Variants in MUC4 observed in about 807,000 individuals in gnomAD.
MUC4 encodes mucin-4.
Under a neutral mutation model 257.9 loss-of-function variants are expected in MUC4, and 202 were observed. That is an observed-to-expected ratio of 0.78 (90% confidence interval 0.70 to 0.88). The LOEUF (loss-of-function observed/expected upper bound fraction) is 0.88. Among genes scored for constraint, MUC4 ranks in the 40% least tolerant of loss-of-function variants. The pLI is 0.00. For synonymous variants in MUC4, 2,351 were observed against 2,757.1 expected (o/e 0.85, Z 4.62); for missense variants, 5,976 against 6,513.7 (o/e 0.92, Z 2.84).
intron 4 of MUC4, 124 bp downstream of exon 4, chr3:195,774,048 G>C (rs910768126): frequency 7.9e-7 from 1 of 1,267,024 alleles, no homozygotes; most frequent in African/African-American, 1.6e-5. Context: ...AGGAGGCTGT[G>C]GGGATGGACG....
At chr3:195,770,890 A>G in intron 5 of MUC4, 1 of 457,576 alleles carries the variant, frequency 2.2e-6, no homozygotes, top group South Asian at 1.5e-5. Flanking sequence ...CTACAGCCTG[A>G]TTTTACAATC....
At position 195,769,171 on chromosome 3, in the gene MUC4, A is replaced by G. The variant is rs563660099; in HGVS notation, c.13399-19T>C. The G allele has an allele frequency of 6.2e-7, 1 of 1,613,604 alleles. No individual in the cohort carries two copies. The highest frequency in any genetic ancestry group is 1.1e-5 in the South Asian group (1 of 91,000). On this transcript the variant is annotated intron_variant, in intron 6 of 24. Coordinates refer to ENST00000463781, the MANE Select transcript of MUC4 (RefSeq NM_018406.7). ...TGTTGCTCTGGGGGTGGGTGGAAGA[A>G]AACACAGGGATGCCCGTGAGAGATC...
chr3:195,788,315 G>C lies in MUC4; in HGVS notation c.3265C>G (p.Leu1089Val). 3.2e-6 allele frequency: 5 copies of C among 1,548,052 alleles called. No homozygotes were observed. Among genetic ancestry groups the C allele is most frequent in the Non-Finnish European group, 4.4e-6 (5 of 1,145,804 alleles). Residue 1089 changes from leucine to valine, a missense_variant, in exon 2 of 25, where the codon CTT becomes GTT. By Grantham distance (32) the Leu-to-Val change is conservative. Coordinates refer to ENST00000463781, the MANE Select transcript of MUC4 (RefSeq NM_018406.7). The part of the protein sequence containing the change: ...SSASTGDTTP[L>V]PVTDTSSAST... ...GCTGAGGAAGTGTCAGTGACAGGAAGAGGGGTGGTGTCACCTGTGGATGCT... is the reference window on the plus strand; with the variant it reads ...GCTGAGGAAGTGTCAGTGACAGGAACAGGGGTGGTGTCACCTGTGGATGCT...
intron 1 of MUC4, among the ~76,000 whole-genome samples, chr3:195,801,819 T>C (rs544993236): frequency 4.0e-5 from 6 of 150,810 alleles, no homozygotes; most frequent in African/African-American, 1.5e-4. Context: ...CGCCCCCCCC[T>C]CCACGTGCTC....
At chr3:195,767,712 CGG>C (rs1721438649) in intron 7 of MUC4, among the ~76,000 whole-genome samples, 1 of 2,852 alleles carries the variant, frequency 3.5e-4, no homozygotes, top group Non-Finnish European at 7.3e-4. Context: ...ATACCACCAT[CGG>C]CCACCACCAC....
chr3:195,756,957 G>A (rs759483158), intron 18 of MUC4, among the ~76,000 whole-genome samples, 190 bp downstream of exon 18: 11 of 152,104 alleles, frequency 7.2e-5, no homozygotes, highest in Admixed American at 2.6e-4. Context: ...CACTGCACCC[G>A]GCCAGAAAGT....
rs959631100 is a variant in MUC4 at position 195,755,099 on chromosome 3, C to T, written c.15169-727G>A. Among the ~76,000 whole-genome samples the T allele has an allele frequency of 6.6e-6, 1 of 152,048 alleles. No homozygotes were observed. Among genetic ancestry groups the T allele is most frequent in the Non-Finnish European group, 1.5e-5 (1 of 68,008 alleles). On this transcript the variant is annotated intron_variant, in intron 18 of 24. Coordinates refer to ENST00000463781, the MANE Select transcript of MUC4 (RefSeq NM_018406.7). This position sits in a 1 kb window ranked among gnomAD's most constrained non-coding sequence, Gnocchi z 5.0. ...TGTCTTGATCTTGGCTCACTGCAAA[C>T]TCCACCTCCCAGGTTCAAGCCATCC...
intron 1 of MUC4, among the ~76,000 whole-genome samples, chr3:195,809,423 T>C (rs533742059): frequency 2.6e-5 from 4 of 151,942 alleles, no homozygotes; most frequent in Admixed American, 1.3e-4. Context: ...CCTGTGGGGG[T>C]GGGGGCTGCC....
chr3:195,788,712 A>G lies in MUC4; in HGVS notation c.2868T>C (p.Thr956=). 1.2e-6 allele frequency: 2 copies of G among 1,613,022 alleles called. No homozygotes were observed. Among genetic ancestry groups the G allele is most frequent in the East Asian group, 2.2e-5 (1 of 44,882 alleles). ...GLTSPQTETH[T]LSPSGSGKTF... ...TTTTACCAGACCCTGAAGGTGACAG[A>G]GTGTGGGTCTCGGTTTGTGGAGATG... is the stretch of plus-strand genomic sequence containing the variant. Residue 956 remains threonine, a synonymous_variant, in exon 2 of 25, where the codon ACT becomes ACC. Transcript: ENST00000463781.
intron 14 of MUC4, 53 bp from the exon 15 acceptor site, chr3:195,761,638 C>A: frequency 7.2e-7 from 1 of 1,392,132 alleles, no homozygotes; most frequent in South Asian, 1.2e-5. Flanking sequence ...TGTCCCCTTC[C>A]TGGGGAGCAT....
At chr3:195,778,621 C>A (rs145039978) in intron 2 of MUC4, among the ~76,000 whole-genome samples, 166 bp from the exon 3 acceptor site, 4 of 152,208 alleles carry the variant, frequency 2.6e-5, no homozygotes, top group African/African-American at 7.2e-5. Context: ...GATTGCGGCA[C>A]AAAGGAGGGT....
chr3:195,746,972 G>A lies in MUC4; in HGVS notation c.*204C>T. On this transcript the variant is annotated 3_prime_UTR_variant, in exon 25 of 25. Transcript: ENST00000463781. ...TCTGCGTGAGGACCCATCCATGCATGTTTGATCTTTATGGCCTCCCCCTGT... is the reference window on the plus strand; with the variant it reads ...TCTGCGTGAGGACCCATCCATGCATATTTGATCTTTATGGCCTCCCCCTGT... 1 of 755,336 alleles carries A rather than the reference G, an allele frequency of 1.3e-6. No homozygotes were observed. Among genetic ancestry groups the A allele is most frequent in the East Asian group, 2.7e-5 (1 of 37,486 alleles). 46.8% of individuals were successfully genotyped at this position (755,336 alleles called of 1,614,324 possible). A position where few individuals can be genotyped will look rare whatever the true frequency, so the allele number is the denominator to read the frequency against.
At chr3:195,775,249 G>A (rs567346555) in intron 3 of MUC4, among the ~76,000 whole-genome samples, 1 of 152,126 alleles carries the variant, frequency 6.6e-6, no homozygotes, top group African/African-American at 2.4e-5. Flanking sequence ...GGCTCCCGTT[G>A]CCTACAGGAT....
Position 195,754,799 on chromosome 3 carries a change from T to C in MUC4, c.15169-427A>G, listed in dbSNP as rs1303420752. 4.6e-5 allele frequency among the ~76,000 whole-genome samples: 7 copies of C among 152,136 alleles called. No individual in the cohort carries two copies. The East Asian group carries it at 9.6e-4, about 21-fold the overall frequency. On this transcript the variant is annotated intron_variant, in intron 18 of 24. Coordinates refer to ENST00000463781, the MANE Select transcript of MUC4 (RefSeq NM_018406.7). ...GTATGTATGTGTGTATCCATGCATGTATGCATGTATGTATCCATGTGTGTA... is the reference window on the plus strand; with the variant it reads ...GTATGTATGTGTGTATCCATGCATGCATGCATGTATGTATCCATGTGTGTA...
Position 195,771,681 on chromosome 3 carries a change from A to G in MUC4, c.13213T>C (p.Ser4405Pro). The G allele has an allele frequency of 6.2e-7, 1 of 1,613,836 alleles. No individual in the cohort carries two copies. The highest frequency in any genetic ancestry group is 1.7e-4 in the Middle Eastern group (1 of 6,056). ...VAPFWDDADFSTGRGTTFYQE... is the reference protein window; with the variant it reads ...VAPFWDDADFPTGRGTTFYQE... Reference sequence around the variant, plus strand: ...TAAAATGTGGTCCCCCGACCAGTGGAGAAGTCAGCATCGTCCCAGAACGGA... The same window carrying G: ...TAAAATGTGGTCCCCCGACCAGTGGGGAAGTCAGCATCGTCCCAGAACGGA... The change falls in exon 5 of 25, where the codon TCC becomes CCC. Residue 4405 changes from serine to proline, a missense_variant. Physicochemically the swap from Ser to Pro is moderately conservative, Grantham distance 74. Around this residue, in one of 44 missense-constraint regions of MUC4, gnomAD observed 996 missense variants for 1,137.3 expected, o/e 0.88. Transcript: ENST00000463781.
chr3:195,774,440 C>G, intron 3 of MUC4, 135 bp from the exon 4 acceptor site: 1 of 1,124,666 alleles, frequency 8.9e-7, no homozygotes, highest in Non-Finnish European at 1.2e-6. Flanking sequence ...AGGCAGCCAT[C>G]TAGGGTGCTT....
chr3:195,791,336 T>C lies in MUC4; in HGVS notation c.244A>G (p.Thr82Ala), dbSNP rs774202937. 6.2e-7 allele frequency: 1 copy of C among 1,613,914 alleles called. No individual in the cohort carries two copies. Among genetic ancestry groups the C allele is most frequent in the South Asian group, 1.1e-5 (1 of 91,048 alleles). The stretch of plus-strand genomic sequence containing the variant: ...GTTTGAGCTTTGCTGGTGGTCTCCG[T>C]GCTCTTAGTCTGGTGGTTCTGAGAT... ...ASSQNHQTKS[T>A]ETTSKAQTDT... is the part of the protein sequence containing the mutation. Residue 82 changes from threonine (T) to alanine (A), a missense_variant, in exon 2 of 25, where the codon ACG (threonine) becomes GCG (alanine). By Grantham distance (58) the Thr-to-Ala change is moderately conservative. Around this residue, in one of 44 missense-constraint regions of MUC4, gnomAD observed 1,583 missense variants for 1,257.4 expected, o/e 1.26. Coordinates refer to ENST00000463781, the MANE Select transcript of MUC4 (RefSeq NM_018406.7).
chr3:195,776,820 C>T (rs1401129744), intron 3 of MUC4, among the ~76,000 whole-genome samples: 9 of 89,420 alleles, frequency 1.0e-4, no homozygotes, highest in Non-Finnish European at 1.4e-4. Context: ...CCTTCCACGG[C>T]CATACCTTCC....
At chr3:195,768,001 A>C (rs1207696629) in intron 7 of MUC4, among the ~76,000 whole-genome samples, 1 of 150,330 alleles carries the variant, frequency 6.7e-6, no homozygotes, top group African/African-American at 2.5e-5. Flanking sequence ...GTGGGGTCCG[A>C]GCATGGCCCG....
Sources: allele counts gnomAD v4.1 joint callset (sites outside exome capture counted in the v4.1 genomes callset), GRCh38; gene constraint gnomAD v4.1.1; regional missense constraint gnomAD v4.1.1; non-coding constraint Gnocchi (gnomAD v3.1); transcripts MANE v1.5; gene names NCBI Gene and HGNC (gene_info 2026-07-23, HGNC 2026-07-21).